Variants in TET3 observed in about 807,000 individuals in gnomAD.
The protein encoded by TET3 is methylcytosine dioxygenase TET3.
A neutral mutation model predicts 141.4 loss-of-function variants in TET3; 19 were observed. The ratio of observed to expected loss-of-function variants is 0.13; its 90% CI spans 0.09 to 0.20. The LOEUF is 0.20. Among genes scored for constraint, TET3 ranks in the 10% least tolerant of loss-of-function variants. The pLI, the probability that TET3 is intolerant of heterozygous loss-of-function variation, is 1.00. For synonymous variants in TET3, 1,043 were observed against 980.9 expected (o/e 1.06, Z -1.18); for missense variants, 1,874 against 2,356.9 (o/e 0.80, Z 4.24).
intron 3 of TET3, among the ~76,000 whole-genome samples, chr2:74,037,094 G>T (rs1016186603): frequency 1.3e-5 from 2 of 152,156 alleles, no homozygotes; most frequent in African/African-American, 4.8e-5. Flanking sequence ...GTCTGCAGAG[G>T]TGGCCAGTTT....
intron 3 of TET3, among the ~76,000 whole-genome samples, chr2:74,016,126 G>A (rs2105217286): frequency 6.6e-6 from 1 of 152,018 alleles, no homozygotes; most frequent in South Asian, 2.1e-4. Flanking sequence ...CCAGTGCTTT[G>A]GCAGGCCAAG....
At chr2:74,057,583 T>C (rs962873262) in intron 4 of TET3, among the ~76,000 whole-genome samples, 5 of 152,226 alleles carry the variant, frequency 3.3e-5, no homozygotes, top group African/African-American at 9.6e-5. Context: ...TGGCTTTCAA[T>C]TGGAGGCTTT....
At chr2:74,050,096 C>T (rs1687866998) in intron 4 of TET3, among the ~76,000 whole-genome samples, 1 of 152,166 alleles carries the variant, frequency 6.6e-6, no homozygotes, top group South Asian at 2.1e-4. Context: ...AATATCCTTA[C>T]CTAGTGTTTT....
At chr2:74,089,761 T>C in intron 7 of TET3, 136 bp from the exon 8 acceptor site, 2 of 1,159,350 alleles carry the variant, frequency 1.7e-6, no homozygotes, top group South Asian at 3.0e-5. Context: ...GGGTTGGGGG[T>C]GGGGAAGGAT....
chr2:73,999,407 C>G (rs548580636), intron 2 of TET3, among the ~76,000 whole-genome samples: 15 of 152,294 alleles, frequency 9.8e-5, no homozygotes, highest in African/African-American at 3.4e-4. Context: ...ATATCATGCT[C>G]TATGGGGCCT....
chr2:74,009,657 G>A (rs1163257404), intron 3 of TET3, among the ~76,000 whole-genome samples: 1 of 152,188 alleles, frequency 6.6e-6, no homozygotes, highest in Admixed American at 6.5e-5. Flanking sequence ...CACTCTTCAT[G>A]GCTTCAGTCC....
the TET3 span, among the ~76,000 whole-genome samples, chr2:74,117,934 C>T: frequency 1.3e-5 from 2 of 151,784 alleles, no homozygotes; most frequent in African/African-American, 2.4e-5. Context: ...TTAGTAGTGA[C>T]GGGGTTTCAC....
At chr2:74,084,868 G>A (rs1473086151) in intron 6 of TET3, among the ~76,000 whole-genome samples, 1 of 152,036 alleles carries the variant, frequency 6.6e-6, no homozygotes, top group Admixed American at 6.5e-5. Flanking sequence ...CCAGGAGGCA[G>A]AGGTGTTAGT....
chr2:74,114,133 A>T, the TET3 span, among the ~76,000 whole-genome samples: 1 of 152,342 alleles, frequency 6.6e-6, no homozygotes, highest in African/African-American at 2.4e-5. Context: ...AGAATAGAGA[A>T]CCCAGAAACT....
the TET3 span, among the ~76,000 whole-genome samples, chr2:74,115,680 G>C: frequency 6.6e-6 from 1 of 152,096 alleles, no homozygotes; most frequent in East Asian, 1.9e-4. Context: ...AGGTGCATTT[G>C]CTTCTATAAA....
chr2:73,984,792 C>T (rs1379053866), upstream of TET3, among the ~76,000 whole-genome samples: 12 of 149,320 alleles, frequency 8.0e-5, no homozygotes, highest in African/African-American at 2.9e-4. This position sits in a 1 kb window ranked among gnomAD's most constrained non-coding sequence, Gnocchi z 5.6. Context: ...GAACCACCCC[C>T]CTCTCGCCCG....
chr2:74,065,781 A>C, intron 4 of TET3, among the ~76,000 whole-genome samples: 2 of 131,048 alleles, frequency 1.5e-5, no homozygotes. Context: ...CTTTTTTTAG[A>C]CAGAGCGAGG....
chr2:73,984,597 C>T (rs1201328692), upstream of TET3, among the ~76,000 whole-genome samples: 1 of 151,890 alleles, frequency 6.6e-6, no homozygotes, highest in Non-Finnish European at 1.5e-5. This position sits in a 1 kb window ranked among gnomAD's most constrained non-coding sequence, Gnocchi z 5.6. Flanking sequence ...TGCCCCACCC[C>T]GCCTCGCCGG....
chr2:74,022,117 T>C (rs982836513), intron 3 of TET3, among the ~76,000 whole-genome samples: 2 of 121,810 alleles, frequency 1.6e-5, no homozygotes, highest in Non-Finnish European at 3.7e-5. Context: ...TTTTTTTTTT[T>C]CCATTTTAAA....
downstream of TET3, among the ~76,000 whole-genome samples, chr2:74,109,560 T>C (rs540933635): frequency 2.6e-5 from 4 of 152,358 alleles, no homozygotes; most frequent in Non-Finnish European, 5.9e-5. Context: ...AATTATAAAT[T>C]GAACTAATCT....
intron 5 of TET3, among the ~76,000 whole-genome samples, chr2:74,074,059 C>G (rs1480689115): frequency 6.6e-6 from 1 of 152,116 alleles, no homozygotes; most frequent in Non-Finnish European, 1.5e-5. Context: ...CCAAAACTAC[C>G]TCATAGGTGG....
the TET3 span, among the ~76,000 whole-genome samples, chr2:74,126,421 A>G: frequency 6.6e-6 from 1 of 152,020 alleles, no homozygotes; most frequent in Non-Finnish European, 1.5e-5. Context: ...AGCTACACTC[A>G]TACATAGGCA....
At position 74,093,954 on chromosome 2, in the gene TET3, C is replaced by T. The variant is rs1463912449; in HGVS notation, c.3267+288C>T. Among the ~76,000 whole-genome samples the T allele has an allele frequency of 6.6e-6, 1 of 152,108 alleles. No homozygotes were observed. The highest frequency in any genetic ancestry group is 2.4e-5 in the African/African-American group (1 of 41,430). On this transcript the variant is annotated intron_variant, in intron 10 of 11. Transcript: ENST00000409262. This position sits in a 1 kb window ranked among gnomAD's most constrained non-coding sequence, Gnocchi z 4.2. ...GTGCCCAGTTATCTAAAGCGTGGGC[C>T]CCGGTCTCTGTGGACACTTGGATTT...
intron 10 of TET3, among the ~76,000 whole-genome samples, chr2:74,098,984 C>T (rs947142749): frequency 1.3e-5 from 2 of 152,220 alleles, no homozygotes; most frequent in Admixed American, 6.5e-5. Context: ...GCAGAGCAAG[C>T]CTCCAGGTCC....
Sources: gnomAD v4.1 joint callset for allele counts (sites outside exome capture counted in the v4.1 genomes callset) on GRCh38, gnomAD v4.1.1 for gene constraint, Gnocchi (gnomAD v3.1) non-coding constraint, MANE v1.5 for transcripts, NCBI Gene and HGNC (gene_info 2026-07-23, HGNC 2026-07-21) for gene names.